XIRP2: variants seen among roughly 807,000 people sequenced by gnomAD.
XIRP2 encodes the protein xin actin binding repeat containing 2.
XIRP2 carries 236 observed loss-of-function variants against 277.0 expected under a neutral mutation model. The observed-to-expected ratio is 0.85, with a 90% CI of 0.77 to 0.95. XIRP2 has a LOEUF of 0.95. Among genes scored for constraint, XIRP2 ranks in the 40% least tolerant of loss-of-function variants. The probability of loss-of-function intolerance (pLI) is 0.00; values close to 1 mark genes in which losing one functional copy is unlikely to be tolerated. For synonymous variants in XIRP2, 1,490 were observed against 1,416.5 expected, an observed-to-expected ratio of 1.05 and a Z score of -1.17; for missense variants, 4,640 against 4,157.5, an observed-to-expected ratio of 1.12 and a Z score of -3.19.
chr2:167,122,578 C>G (rs529085661), intron 2 of XIRP2, among the ~76,000 whole-genome samples: 1 of 152,166 alleles, frequency 6.6e-6, no homozygotes, highest in South Asian at 2.1e-4. Context: ...TGACAGGATA[C>G]TGTCTCTAGA....
At chr2:167,186,509 A>G (rs1218290153) in intron 3 of XIRP2, among the ~76,000 whole-genome samples, 2 of 152,116 alleles carry the variant, frequency 1.3e-5, no homozygotes, top group Non-Finnish European at 2.9e-5. Context: ...CACAGAAGGG[A>G]GGAAAGATAA....
chr2:167,004,732 T>C (rs183652395), intron 2 of XIRP2, among the ~76,000 whole-genome samples: 24 of 151,900 alleles, frequency 1.6e-4, no homozygotes, highest in Non-Finnish European at 3.4e-4. Flanking sequence ...GGGCACCAAT[T>C]TGAAATCTAG....
chr2:167,010,048 G>A (rs1453080670), intron 2 of XIRP2, among the ~76,000 whole-genome samples: 2 of 151,950 alleles, frequency 1.3e-5, no homozygotes, highest in Non-Finnish European at 2.9e-5. Flanking sequence ...TTCTTTTGCT[G>A]TGCAGAAGCT....
At chr2:167,028,695 A>G (rs1688243000) in intron 2 of XIRP2, among the ~76,000 whole-genome samples, 1 of 151,972 alleles carries the variant, frequency 6.6e-6, no homozygotes, top group African/African-American at 2.4e-5. Context: ...ATCCAGGAAA[A>G]CATGACATCA....
intron 2 of XIRP2, among the ~76,000 whole-genome samples, chr2:166,931,354 A>C (rs1453482323): frequency 6.6e-6 from 1 of 152,124 alleles, no homozygotes; most frequent in African/African-American, 2.4e-5. Flanking sequence ...TTTATATGTC[A>C]ATTGACTCAT....
At chr2:167,225,520 C>G (rs1219856013) in intron 5 of XIRP2, among the ~76,000 whole-genome samples, 2 of 152,024 alleles carry the variant, frequency 1.3e-5, no homozygotes, top group Non-Finnish European at 2.9e-5. Flanking sequence ...TCAACATGCT[C>G]AGAAATAAGG....
chr2:166,915,906 T>C (rs1170137218), intron 2 of XIRP2, among the ~76,000 whole-genome samples: 1 of 152,172 alleles, frequency 6.6e-6, no homozygotes, highest in East Asian at 1.9e-4. Flanking sequence ...AGCTGAACTG[T>C]ATCAAAAATA....
chr2:167,068,426 G>A (rs1357078788), intron 2 of XIRP2, among the ~76,000 whole-genome samples: 1 of 152,074 alleles, frequency 6.6e-6, no homozygotes, highest in Non-Finnish European at 1.5e-5. Context: ...TTTCAGTCAT[G>A]TAGCCCTTTC....
intron 3 of XIRP2, among the ~76,000 whole-genome samples, chr2:167,196,152 T>C (rs1245566876): frequency 1.3e-5 from 2 of 152,210 alleles, no homozygotes; most frequent in East Asian, 3.8e-4. Flanking sequence ...TCATTTTTCC[T>C]GAAAATCCCA....
chr2:167,096,056 G>A (rs1690306509), intron 2 of XIRP2, among the ~76,000 whole-genome samples: 1 of 148,874 alleles, frequency 6.7e-6, no homozygotes, highest in African/African-American at 2.5e-5. Context: ...TGTATTTTTA[G>A]TAGAGACTGG....
At chr2:167,200,550 G>A (rs925503128) in intron 3 of XIRP2, among the ~76,000 whole-genome samples, 1 of 152,198 alleles carries the variant, frequency 6.6e-6, no homozygotes, top group Non-Finnish European at 1.5e-5. Context: ...TGAAAAATTG[G>A]TGGTTCACGG....
intron 3 of XIRP2, among the ~76,000 whole-genome samples, chr2:167,197,496 G>C (rs1004800610): frequency 2.6e-5 from 4 of 151,896 alleles, no homozygotes; most frequent in African/African-American, 9.7e-5. Flanking sequence ...TTACTTCTCG[G>C]TGATCTAGAA....
chr2:166,939,851 C>T (rs149244962), intron 2 of XIRP2, among the ~76,000 whole-genome samples: 3,226 of 152,178 alleles, frequency 0.021, 49 homozygotes, highest in Non-Finnish European at 0.035. Context: ...TGTGGGTAAC[C>T]CGACCTTTCT....
chr2:166,979,344 C>CTT (rs370823629), intron 2 of XIRP2, among the ~76,000 whole-genome samples: 1 of 119,682 alleles, frequency 8.4e-6, no homozygotes, highest in Non-Finnish European at 1.7e-5. Flanking sequence ...GCTGTGTTTC[C>CTT]TTTTCTTTTC....
chr2:166,898,070 G>T (rs1684289726), intron 1 of XIRP2, among the ~76,000 whole-genome samples: 1 of 152,046 alleles, frequency 6.6e-6, no homozygotes, highest in African/African-American at 2.4e-5. Context: ...CCTGGCCCAG[G>T]CTATAAGATC....
At chr2:166,957,508 T>G (rs1006519339) in intron 2 of XIRP2, among the ~76,000 whole-genome samples, 2 of 151,856 alleles carry the variant, frequency 1.3e-5, no homozygotes, top group African/African-American at 4.8e-5. Context: ...ATACCAATAA[T>G]TATCTCTATT....
At chr2:167,172,247 G>A (rs780499858) in intron 3 of XIRP2, among the ~76,000 whole-genome samples, 15 of 152,130 alleles carry the variant, frequency 9.9e-5, no homozygotes, top group Non-Finnish European at 1.8e-4. Flanking sequence ...GGGAGGGAGC[G>A]TACAAATAGG....
chr2:166,942,529 A>G (rs767988782), intron 2 of XIRP2, among the ~76,000 whole-genome samples: 21 of 152,234 alleles, frequency 1.4e-4, no homozygotes, highest in Non-Finnish European at 2.6e-4. Context: ...CAAATTAGCC[A>G]CCAAGTCCAA....
chr2:166,915,249 C>T (rs370888274), intron 2 of XIRP2, among the ~76,000 whole-genome samples: 31 of 138,822 alleles, frequency 2.2e-4, no homozygotes, highest in South Asian at 1.3e-3. Flanking sequence ...TGCAGTGAGC[C>T]GAGATCTGCC....
Sources: gnomAD v4.1 joint callset for allele counts (sites outside exome capture counted in the v4.1 genomes callset) on GRCh38, gnomAD v4.1.1 for gene constraint, MANE v1.5 for transcripts, NCBI Gene and HGNC (gene_info 2026-07-23, HGNC 2026-07-21) for gene names.